The following PTPRN2 variants were observed in gnomAD, a reference collection of about 807,000 sequenced individuals.
PTPRN2 encodes receptor-type tyrosine-protein phosphatase N2.
In PTPRN2, 74 loss-of-function variants were observed where a neutral mutation model predicts 118.8. The observed-to-expected ratio is 0.62, with a 90% confidence interval of 0.52 to 0.76. The LOEUF (loss-of-function observed/expected upper bound fraction) is 0.76, where lower values mean the gene tolerates loss of function less well. PTPRN2 is among the 30% of genes least tolerant of loss of function. The probability of loss-of-function intolerance (pLI) is 0.00; values close to 1 mark genes in which losing one functional copy is unlikely to be tolerated. For synonymous variants in PTPRN2, 641 were observed against 608.0 expected (o/e 1.05, Z -0.80); for missense variants, 1,481 against 1,394.4 (o/e 1.06, Z -0.99).
At chr7:157,720,585 G>A (rs1322485174) in intron 12 of PTPRN2, among the ~76,000 whole-genome samples, 1 of 152,240 alleles carries the variant, frequency 6.6e-6, no homozygotes, top group Non-Finnish European at 1.5e-5. Flanking sequence ...GCATGGGTGT[G>A]CACGCGGGGA....
chr7:157,659,109 G>A (rs1163192706), intron 13 of PTPRN2, among the ~76,000 whole-genome samples: 1 of 151,746 alleles, frequency 6.6e-6, no homozygotes, highest in Admixed American at 6.6e-5. Context: ...ACACCATCTA[G>A]AAAACATTTC....
In PTPRN2 at chr7:158,587,188, C is replaced by T. The variant is rs1350495301; in HGVS notation, c.112+370G>A. ...CACCGAGACGCCCCTCCCCTAAACC[C>T]CCCACTCATTCATTGAGGCGCCCCT... On this transcript the variant is annotated intron_variant, in intron 1 of 22. Coordinates refer to ENST00000389418, the MANE Select transcript of PTPRN2 (RefSeq NM_002847.5). Among the ~76,000 whole-genome samples, 8 of 140,158 alleles carry T rather than the reference C, an allele frequency of 5.7e-5. No individual in the cohort carries two copies. The South Asian group carries it at 1.7e-3, about 30-fold the overall frequency. 91.9% of individuals were successfully genotyped at this position (140,158 alleles called of 152,430 possible).
At chr7:158,068,177 A>G (rs1810924702) in intron 11 of PTPRN2, among the ~76,000 whole-genome samples, 1 of 152,244 alleles carries the variant, frequency 6.6e-6, no homozygotes, top group African/African-American at 2.4e-5. Context: ...AGAGCAGGCC[A>G]GAGCGTGGGG....
intron 2 of PTPRN2, among the ~76,000 whole-genome samples, chr7:158,345,058 TA>T (rs1807398805): frequency 6.6e-6 from 1 of 152,054 alleles, no homozygotes; most frequent in African/African-American, 2.4e-5. Flanking sequence ...TTCTGGAGGA[TA>T]AAATGTTGGG....
intron 3 of PTPRN2, among the ~76,000 whole-genome samples, chr7:158,295,991 G>C (rs1317931695): frequency 1.3e-5 from 2 of 152,228 alleles, no homozygotes; most frequent in Non-Finnish European, 2.9e-5. Flanking sequence ...AGATGAGTTT[G>C]GATTGCTTCT....
chr7:157,852,599 G>A (rs987001677), intron 12 of PTPRN2, among the ~76,000 whole-genome samples: 3 of 152,084 alleles, frequency 2.0e-5, no homozygotes, highest in African/African-American at 7.2e-5. Flanking sequence ...GGCCGGGTGC[G>A]GTGGCTCACG....
At chr7:157,612,184 G>A (rs1353218113) in intron 15 of PTPRN2, among the ~76,000 whole-genome samples, 1 of 152,228 alleles carries the variant, frequency 6.6e-6, no homozygotes, top group Non-Finnish European at 1.5e-5. Context: ...GCCTGCAGTT[G>A]TGGAGTGTGG....
In PTPRN2 at chr7:157,578,219, C is replaced by T. The variant is rs571550595; in HGVS notation, c.2497-79G>A. 55 of 1,462,056 alleles carry T rather than the reference C, an allele frequency of 3.8e-5. No homozygotes were observed. In the African/African-American group the frequency reaches 7.1e-4, roughly 19 times the overall value. The allele number at this position is 1,462,056 out of a possible 1,614,324, so 90.6% of individuals were successfully genotyped here. Reference sequence around the variant, plus strand: ...CATGTGTAATTACTGCACTCGGAAGCACAGTCCAAATTTATTCCATTCACA... The same window carrying T: ...CATGTGTAATTACTGCACTCGGAAGTACAGTCCAAATTTATTCCATTCACA... On this transcript the variant is annotated intron_variant, in intron 17 of 22. Coordinates refer to ENST00000389418, the MANE Select transcript of PTPRN2 (RefSeq NM_002847.5).
At chr7:157,654,664 C>A (rs1030268793) in intron 14 of PTPRN2, among the ~76,000 whole-genome samples, 1 of 152,184 alleles carries the variant, frequency 6.6e-6, no homozygotes, top group African/African-American at 2.4e-5. Flanking sequence ...TCTGTCCTTG[C>A]GGTTTAGGCA....
chr7:157,639,871 G>T (rs1022788715), intron 14 of PTPRN2, among the ~76,000 whole-genome samples: 2 of 152,300 alleles, frequency 1.3e-5, no homozygotes, highest in African/African-American at 4.8e-5. Flanking sequence ...TTGAAACATG[G>T]GCCTCATCCA....
chr7:158,331,137 C>A (rs374277499), intron 2 of PTPRN2, among the ~76,000 whole-genome samples: 1 of 120,838 alleles, frequency 8.3e-6, no homozygotes, highest in African/African-American at 3.1e-5. Context: ...TAAGAGCTGA[C>A]GCCCGCAGAC....
rs1213067047 is a variant in PTPRN2, at chr7:157,986,189, A to G, written c.1724-87452T>C. The stretch of plus-strand genomic sequence containing the variant: ...CGCTCTCGTATGTCCGGGGGAAGCT[A>G]TGGAGAGGGTGCTGCAAAGCTGCCA... On this transcript the variant is annotated intron_variant, in intron 11 of 22. Transcript: ENST00000389418. This position sits in a 1 kb window ranked among gnomAD's most constrained non-coding sequence, Gnocchi z 4.5. 1.3e-5 allele frequency among the ~76,000 whole-genome samples: 2 copies of G among 152,144 alleles called. No homozygotes were observed. The highest frequency in any genetic ancestry group is 2.4e-5 in the African/African-American group (1 of 41,422).
chr7:158,341,592 C>G (rs1806812836), intron 2 of PTPRN2, among the ~76,000 whole-genome samples: 1 of 101,714 alleles, frequency 9.8e-6, no homozygotes, highest in Non-Finnish European at 2.1e-5. Flanking sequence ...GAGGTGACAC[C>G]CGCAGACATC....
At chr7:157,855,734 A>AG (rs1009663419) in intron 12 of PTPRN2, among the ~76,000 whole-genome samples, 49 of 152,194 alleles carry the variant, frequency 3.2e-4, no homozygotes, top group African/African-American at 1.0e-3. Flanking sequence ...GATTGGGCCC[A>AG]GGGGGGCGGC....
intron 2 of PTPRN2, among the ~76,000 whole-genome samples, chr7:158,323,402 C>G (rs1803199377): frequency 6.6e-6 from 1 of 152,222 alleles, no homozygotes; most frequent in South Asian, 2.1e-4. Flanking sequence ...CTGGACCCCA[C>G]TGCCTCTGGG....
intron 12 of PTPRN2, among the ~76,000 whole-genome samples, chr7:157,871,104 T>C (rs1034897765): frequency 9.8e-5 from 15 of 152,312 alleles, no homozygotes; most frequent in African/African-American, 3.4e-4. Context: ...ACGAAGAAGC[T>C]GGCTCCCAGA....
chr7:158,108,945 C>A (rs1408770156), intron 10 of PTPRN2, among the ~76,000 whole-genome samples: 5 of 152,172 alleles, frequency 3.3e-5, no homozygotes, highest in African/African-American at 1.2e-4. Context: ...TGACATCAAC[C>A]CTGTGTGAAG....
chr7:157,654,494 T>C (rs578007229), intron 14 of PTPRN2, among the ~76,000 whole-genome samples: 16 of 152,354 alleles, frequency 1.1e-4, no homozygotes, highest in African/African-American at 3.4e-4. Context: ...GCCGGACTCA[T>C]ACTTGGCCTG....
intron 12 of PTPRN2, among the ~76,000 whole-genome samples, chr7:157,820,999 C>T (rs1475416761): frequency 6.6e-6 from 1 of 152,162 alleles, no homozygotes; most frequent in African/African-American, 2.4e-5. Context: ...CAAGAGTGCA[C>T]CCTGCAGCCT....
Sources: gnomAD v4.1 joint callset for allele counts (sites outside exome capture counted in the v4.1 genomes callset) on GRCh38, gnomAD v4.1.1 for gene constraint, Gnocchi (gnomAD v3.1) non-coding constraint, MANE v1.5 for transcripts, NCBI Gene and HGNC (gene_info 2026-07-23, HGNC 2026-07-21) for gene names.